Variants in PAN3 observed in about 807,000 individuals in gnomAD.
The protein encoded by PAN3 is PAN2-PAN3 deadenylation complex subunit PAN3.
In PAN3, 19 loss-of-function variants were observed where a neutral mutation model predicts 96.2. That is an observed-to-expected ratio of 0.20 (90% confidence interval 0.14 to 0.29). PAN3 has a LOEUF of 0.29. Ranked by LOEUF, PAN3 falls within the 10% of genes least tolerant of loss-of-function variation. The pLI is 1.00. For synonymous variants in PAN3, 433 were observed against 406.6 expected, an observed-to-expected ratio of 1.06 and a Z score of -0.78; for missense variants, 882 against 1,108.1, an observed-to-expected ratio of 0.80 and a Z score of 2.90.
chr13:28,289,297 C>T lies in PAN3; in HGVS notation c.2523+1175C>T, dbSNP rs915300191. Reference sequence around the variant, plus strand: ...AGGTGAGGTGAGCTTTTTTTTGGAACGGGGTTTTGATCTGTCACCCAGGCT... The same window carrying T: ...AGGTGAGGTGAGCTTTTTTTTGGAATGGGGTTTTGATCTGTCACCCAGGCT... On this transcript the variant is annotated intron_variant, in intron 18 of 18. Transcript: ENST00000380958. Among the ~76,000 whole-genome samples, 8 of 151,806 alleles carry T rather than the reference C, an allele frequency of 5.3e-5. 1 individual carries two copies. The South Asian group carries it at 1.7e-3, about 32-fold the overall frequency.
chr13:28,249,397 C>G (rs879562775), intron 6 of PAN3, among the ~76,000 whole-genome samples: 28 of 151,978 alleles, frequency 1.8e-4, no homozygotes, highest in Non-Finnish European at 3.4e-4. Flanking sequence ...CATGCTTTAA[C>G]TAAGTATGGA....
chr13:28,168,766 C>G (rs1873902932), intron 1 of PAN3, among the ~76,000 whole-genome samples: 1 of 151,752 alleles, frequency 6.6e-6, no homozygotes, highest in African/African-American at 2.4e-5. Flanking sequence ...CGCCTGTAAT[C>G]CCACCACTTT....
In PAN3 at chr13:28,142,334, C is replaced by T. The variant is rs75170289; in HGVS notation, c.430+3247C>T. 6.8e-3 allele frequency among the ~76,000 whole-genome samples: 1,039 copies of T among 151,932 alleles called. 10 individuals carry two copies. The highest frequency in any genetic ancestry group is 0.024 in the African/African-American group (1,003 of 41,414). On this transcript the variant is annotated intron_variant, in intron 1 of 18. Coordinates refer to ENST00000380958, the MANE Select transcript of PAN3 (RefSeq NM_175854.8). ...AGTGTGTTTTGAGACAGTATTGATC[C>T]GTTTATTTTATTTTGAAGAGATGAT... is the stretch of plus-strand genomic sequence containing the variant.
chr13:28,211,789 A>G (rs1162481143), intron 5 of PAN3, among the ~76,000 whole-genome samples: 1 of 152,240 alleles, frequency 6.6e-6, no homozygotes, highest in East Asian at 1.9e-4. Context: ...TTTTCAAGAC[A>G]TGAGATATCA....
chr13:28,202,485 C>G (rs1002809208), intron 5 of PAN3, among the ~76,000 whole-genome samples: 2 of 152,094 alleles, frequency 1.3e-5, no homozygotes, highest in African/African-American at 4.8e-5. Flanking sequence ...TACATCCTAA[C>G]CATATGAGGT....
intron 5 of PAN3, among the ~76,000 whole-genome samples, chr13:28,201,641 C>T (rs942217230): frequency 2.6e-5 from 4 of 152,066 alleles, no homozygotes; most frequent in African/African-American, 9.7e-5. Context: ...CTCAAGTGAT[C>T]CTTCCACCTT....
chr13:28,181,414 A>G (rs1875750654), intron 4 of PAN3, among the ~76,000 whole-genome samples: 1 of 140,992 alleles, frequency 7.1e-6, no homozygotes, highest in Admixed American at 7.5e-5. Context: ...GGAGGATGAG[A>G]GGTGGGAGGA....
chr13:28,218,636 C>T (rs1422063549), intron 5 of PAN3, among the ~76,000 whole-genome samples: 1 of 152,124 alleles, frequency 6.6e-6, no homozygotes, highest in Non-Finnish European at 1.5e-5. Context: ...AATGGACCTT[C>T]CCCTCTTTTT....
chr13:28,284,833 C>T (rs1187927625), intron 17 of PAN3, among the ~76,000 whole-genome samples: 1 of 152,028 alleles, frequency 6.6e-6, no homozygotes, highest in Non-Finnish European at 1.5e-5. Context: ...ATTAAATTTT[C>T]TGTACAAATT....
At chr13:28,282,163 G>A (rs776686373) in intron 17 of PAN3, among the ~76,000 whole-genome samples, 25 of 152,128 alleles carry the variant, frequency 1.6e-4, no homozygotes, top group Non-Finnish European at 2.8e-4. Flanking sequence ...CACCTCATTT[G>A]TAAGTTAATG....
At chr13:28,259,969 A>G (rs1231552839) in intron 7 of PAN3, among the ~76,000 whole-genome samples, 1 of 152,198 alleles carries the variant, frequency 6.6e-6, no homozygotes, top group African/African-American at 2.4e-5. Flanking sequence ...ATTCTTTCAG[A>G]AAGTATTCTC....
At chr13:28,208,311 T>A (rs148098749) in intron 5 of PAN3, among the ~76,000 whole-genome samples, 6 of 152,166 alleles carry the variant, frequency 3.9e-5, no homozygotes, top group African/African-American at 1.4e-4. Flanking sequence ...CTTTGGAATG[T>A]TGTGATAGTC....
intron 1 of PAN3, among the ~76,000 whole-genome samples, chr13:28,148,217 G>A (rs1232250629): frequency 6.6e-6 from 1 of 151,854 alleles, no homozygotes; most frequent in African/African-American, 2.4e-5. Context: ...TGGCCTCCGA[G>A]AATGTTGGAA....
At chr13:28,194,466 A>ATATATATTT (rs1429166016) in intron 4 of PAN3, among the ~76,000 whole-genome samples, 1 of 122,132 alleles carries the variant, frequency 8.2e-6, no homozygotes, top group African/African-American at 3.6e-5. Context: ...ATATATATAT[A>ATATATATTT]TTTTTTTTTT....
chr13:28,267,239 C>G, intron 11 of PAN3, 28 bp downstream of exon 11: 1 of 1,610,876 alleles, frequency 6.2e-7, no homozygotes. Context: ...TGTCTTTCTG[C>G]TGGTGAGCTT....
rs577743462 is a variant in PAN3 at position 28,148,362 on chromosome 13, A to G, written c.430+9275A>G. ...CTGTGGTACAATCATAGCTCGCTGC[A>G]GCGTTGAACTCCTGGGCTCTAGCAA... On this transcript the variant is annotated intron_variant, in intron 1 of 18. Coordinates refer to ENST00000380958, the MANE Select transcript of PAN3 (RefSeq NM_175854.8). Among the ~76,000 whole-genome samples, 4 of 152,236 alleles carry G rather than the reference A, an allele frequency of 2.6e-5. No homozygotes were observed. The East Asian group carries it at 5.8e-4, about 22-fold the overall frequency.
chr13:28,159,597 C>T (rs1255844043), intron 1 of PAN3, among the ~76,000 whole-genome samples: 1 of 152,040 alleles, frequency 6.6e-6, no homozygotes, highest in Non-Finnish European at 1.5e-5. Context: ...TACAGGCATG[C>T]ACCACCATGC....
chr13:28,198,955 C>T (rs1259281508), intron 5 of PAN3, among the ~76,000 whole-genome samples: 2 of 152,074 alleles, frequency 1.3e-5, no homozygotes, highest in Non-Finnish European at 2.9e-5. Flanking sequence ...GTATTTGCTC[C>T]AGCTGATATT....
chr13:28,267,120 C>T lies in PAN3; in HGVS notation c.1599C>T (p.Cys533=), dbSNP rs1292386377. 6.2e-7 allele frequency: 1 copy of T among 1,611,128 alleles called. No individual in the cohort carries two copies. Among genetic ancestry groups the T allele is most frequent in the Admixed American group, 1.7e-5 (1 of 59,848 alleles). ...IHGFRLVNTK[C]MVLVDMWKKI... ...GTTTTCGTCTTGTTAACACAAAGTGCATGGTGTTGGTCGACATGTGGAAGA... is the reference window on the plus strand; with the variant it reads ...GTTTTCGTCTTGTTAACACAAAGTGTATGGTGTTGGTCGACATGTGGAAGA... The change falls in exon 11 of 19, where the codon TGC becomes TGT. Residue 533 remains cysteine (C), a synonymous_variant. Transcript: ENST00000380958.
Sources: allele counts gnomAD v4.1 joint callset (sites outside exome capture counted in the v4.1 genomes callset), GRCh38; gene constraint gnomAD v4.1.1; transcripts MANE v1.5; gene names NCBI Gene and HGNC (gene_info 2026-07-23, HGNC 2026-07-21).